The following PSMA6 variants were observed in gnomAD, a reference collection of about 807,000 sequenced individuals.
PSMA6 encodes the protein proteasome subunit alpha type-6.
For missense variants in PSMA6, 170 were observed against 294.8 expected (o/e 0.58, Z 3.10); for synonymous variants, 88 against 97.7 (o/e 0.90, Z 0.59).
intron 1 of PSMA6, 23 bp from the exon 2 acceptor site, chr14:35,307,971 A>G: frequency 6.2e-7 from 1 of 1,607,400 alleles, no homozygotes; most frequent in Non-Finnish European, 8.5e-7. Flanking sequence ...TTCCAACTTA[A>G]AAAAAACTGT....
chr14:35,287,241 G>C (rs17458214), intron 1 of PSMA6, among the ~76,000 whole-genome samples: 8,774 of 152,212 alleles, frequency 0.058, 332 homozygotes, highest in Middle Eastern at 0.11. Context: ...GCTGGGCAGA[G>C]TCCTACGTCC....
chr14:35,306,622 G>A (rs537575853), intron 1 of PSMA6, among the ~76,000 whole-genome samples: 229 of 151,436 alleles, frequency 1.5e-3, no homozygotes, highest in Middle Eastern at 0.014. Context: ...CAGGAGAATC[G>A]CTTGAGCCCG....
In PSMA6 at chr14:35,308,909, A is replaced by T. The variant is rs761133544; in HGVS notation, c.172-5A>T. 2.5e-6 allele frequency: 4 copies of T among 1,585,816 alleles called. No homozygotes were observed. Among genetic ancestry groups the T allele is most frequent in the African/African-American group, 2.7e-5 (2 of 73,944 alleles). On this transcript the variant is annotated splice_polypyrimidine_tract_variant and splice_region_variant and intron_variant, in intron 2 of 6. Coordinates refer to ENST00000261479, the MANE Select transcript of PSMA6 (RefSeq NM_002791.3). ...AAAATTATCTTTGTTTATTTTGTTT[A>T]TTAGGACAAATTATTGGATTCCAGC... is the stretch of plus-strand genomic sequence containing the variant.
Position 35,313,019 on chromosome 14 carries a change from T to C in PSMA6, c.548T>C (p.Val183Ala), listed in dbSNP as rs779235641. 3 of 1,577,362 alleles carry C rather than the reference T, an allele frequency of 1.9e-6. 1 individual carries two copies. Among genetic ancestry groups the C allele is most frequent in the South Asian group, 1.2e-5 (1 of 84,832 alleles). ...TCAACCAGCTTCCTTGAAAAAAAAG[T>C]GAAGAAGAAATTTGATTGGACATTT... ...TESTSFLEKK[V>A]KKKFDWTFEQ... Residue 183 changes from valine (V) to alanine (A), a missense_variant, in exon 5 of 7, where the codon GTG (valine) becomes GCG (alanine). Coordinates refer to ENST00000261479, the MANE Select transcript of PSMA6 (RefSeq NM_002791.3).
At chr14:35,314,245 C>A in intron 5 of PSMA6, 116 bp from the exon 6 acceptor site, 1 of 1,206,718 alleles carries the variant, frequency 8.3e-7, no homozygotes, top group Non-Finnish European at 1.1e-6. Flanking sequence ...TAACATTGAA[C>A]TACCTCATTG....
chr14:35,316,218 T>G (rs1036021491), intron 6 of PSMA6: 1 of 151,950 alleles, frequency 6.6e-6, no homozygotes, highest in African/African-American at 2.4e-5. Context: ...AAACCCCATC[T>G]CTACTAAAAA....
intron 1 of PSMA6, among the ~76,000 whole-genome samples, chr14:35,303,749 A>T (rs917240832): frequency 6.6e-6 from 1 of 152,194 alleles, no homozygotes; most frequent in Non-Finnish European, 1.5e-5. Flanking sequence ...CCATGGATTC[A>T]ACCAGCTGCA....
At chr14:35,286,187 G>A (rs572698581) in intron 1 of PSMA6, among the ~76,000 whole-genome samples, 37 of 152,270 alleles carry the variant, frequency 2.4e-4, no homozygotes, top group African/African-American at 8.7e-4. Flanking sequence ...TCTGTGGCAA[G>A]GCTCAGATTC....
intron 1 of PSMA6, among the ~76,000 whole-genome samples, chr14:35,307,784 T>C (rs189818336): frequency 7.2e-5 from 11 of 152,260 alleles, no homozygotes; most frequent in Admixed American, 2.0e-4. Context: ...TTAATGAAAA[T>C]AATTTCAGTA....
intron 1 of PSMA6, among the ~76,000 whole-genome samples, chr14:35,285,327 A>C (rs1281291409): frequency 7.2e-6 from 1 of 139,120 alleles, no homozygotes; most frequent in Non-Finnish European, 1.5e-5. Flanking sequence ...GTGACAGAGC[A>C]AAACTCTATC....
chr14:35,299,327 C>CCTTTTTTTTTTTTTTTTT lies in PSMA6; in HGVS notation c.76+6775_76+6776insCTTTTTTTTTTTTTTTTT, dbSNP rs2051663025. ...TGTGAGCCGCCGCAGTGCCCAGCCT[C>CCTTTTTTTTTTTTTTTTT]TTTTTTTTTTTTTGAGATGGAGTCT... On this transcript the variant is annotated intron_variant, in intron 1 of 6. Coordinates refer to ENST00000261479, the MANE Select transcript of PSMA6 (RefSeq NM_002791.3). 2.7e-4 allele frequency among the ~76,000 whole-genome samples: 18 copies of CCTTTTTTTTTTTTTTTTT among 66,008 alleles called. 1 individual carries two copies. Among genetic ancestry groups the CCTTTTTTTTTTTTTTTTT allele is most frequent in the Admixed American group, 9.2e-4 (4 of 4,342 alleles). 43.3% of individuals were successfully genotyped at this position (66,008 alleles called of 152,430 possible).
chr14:35,302,691 C>A (rs903270299), intron 1 of PSMA6, among the ~76,000 whole-genome samples: 1 of 151,908 alleles, frequency 6.6e-6, no homozygotes, highest in Admixed American at 6.6e-5. Flanking sequence ...CCCACAGATT[C>A]GTTGTTTTTT....
chr14:35,305,965 C>T (rs2051817864), intron 1 of PSMA6, among the ~76,000 whole-genome samples: 1 of 151,974 alleles, frequency 6.6e-6, no homozygotes, highest in African/African-American at 2.4e-5. Flanking sequence ...GTGGCTCATC[C>T]CTGTAATCCC....
At chr14:35,290,865 C>T (rs946383911), upstream of PSMA6, among the ~76,000 whole-genome samples, 1 of 152,356 alleles carries the variant, frequency 6.6e-6, no homozygotes, top group Admixed American at 6.5e-5. Flanking sequence ...ACCTCGCCAG[C>T]TTGGAATTAC....
upstream of PSMA6, chr14:35,278,573 A>G (rs2051330285): frequency 4.6e-6 from 4 of 877,366 alleles, no homozygotes; most frequent in African/African-American, 1.7e-5. Context: ...GTCAGTATCC[A>G]ATAGGATGCC....
At position 35,314,482 on chromosome 14, in the gene PSMA6, G is replaced by C. The variant is rs765395437; in HGVS notation, c.683+27G>C. The C allele has an allele frequency of 3.1e-6, 5 of 1,597,444 alleles. No homozygotes were observed. In the Admixed American group the frequency reaches 8.5e-5, roughly 27 times the overall value. On this transcript the variant is annotated intron_variant, in intron 6 of 6. Coordinates refer to ENST00000261479, the MANE Select transcript of PSMA6 (RefSeq NM_002791.3). ...TGAGTGATATTGTGGGCCACATGCA[G>C]ACTAGAAAGGTGGAGGCGTGTGAGT...
At chr14:35,305,739 T>C (rs922089251) in intron 1 of PSMA6, among the ~76,000 whole-genome samples, 2 of 152,186 alleles carry the variant, frequency 1.3e-5, no homozygotes, top group African/African-American at 4.8e-5. Context: ...TTAAAAGTTA[T>C]CTTCTGTGTT....
At position 35,314,350 on chromosome 14, in the gene PSMA6, C is replaced by T; in HGVS notation, c.589-11C>T. On this transcript the variant is annotated splice_polypyrimidine_tract_variant and intron_variant, in intron 5 of 6. Transcript: ENST00000261479. The stretch of plus-strand genomic sequence containing the variant: ...AAATACTATATTTTAACATTAAATA[C>T]TTTTTTTCAGACTGCAATTACATGC... 1.3e-6 allele frequency: 2 copies of T among 1,594,600 alleles called. No homozygotes were observed. The highest frequency in any genetic ancestry group is 1.7e-6 in the Non-Finnish European group (2 of 1,168,976).
chr14:35,297,166 G>C (rs1420119638), intron 1 of PSMA6, among the ~76,000 whole-genome samples: 7 of 82,290 alleles, frequency 8.5e-5, no homozygotes, highest in Non-Finnish European at 1.3e-4. Flanking sequence ...CATTGAAATT[G>C]AATATGAATA....
Sources: allele counts gnomAD v4.1 joint callset (sites outside exome capture counted in the v4.1 genomes callset), GRCh38; gene constraint gnomAD v4.1.1; transcripts MANE v1.5; gene names NCBI Gene and HGNC (gene_info 2026-07-23, HGNC 2026-07-21).